ULK4: variants seen among roughly 807,000 people sequenced by gnomAD.
ULK4 encodes unc-51 like kinase 4, also known as inactive serine/threonine-protein kinase ULK4.
A neutral mutation model predicts 160.6 loss-of-function variants in ULK4; 133 were observed. That is an observed-to-expected ratio of 0.83 (90% confidence interval 0.72 to 0.96). The LOEUF is 0.96. ULK4 is among the 40% of genes least tolerant of loss of function. The probability of loss-of-function intolerance (pLI) is 0.00; values close to 1 mark genes in which losing one functional copy is unlikely to be tolerated. For missense variants in ULK4, 1,580 were observed against 1,499.5 expected, an observed-to-expected ratio of 1.05 and a Z score of -0.89; for synonymous variants, 534 against 539.8, an observed-to-expected ratio of 0.99 and a Z score of 0.15.
chr3:41,595,223 G>A (rs1374881496), intron 31 of ULK4, among the ~76,000 whole-genome samples: 1 of 152,116 alleles, frequency 6.6e-6, no homozygotes, highest in Non-Finnish European at 1.5e-5. Context: ...TGCAAGGCGT[G>A]GTAAAGCACC....
chr3:41,949,806 G>A (rs916325966), intron 2 of ULK4, among the ~76,000 whole-genome samples: 4 of 148,808 alleles, frequency 2.7e-5, no homozygotes, highest in African/African-American at 5.0e-5. Flanking sequence ...GCATGATCGC[G>A]GCTCACTGCA....
At chr3:41,277,557 T>C (rs566544414) in intron 35 of ULK4, among the ~76,000 whole-genome samples, 1 of 149,738 alleles carries the variant, frequency 6.7e-6, no homozygotes, top group Non-Finnish European at 1.5e-5. Flanking sequence ...CATCCCTTTA[T>C]GATTGAAACT....
At chr3:41,601,674 C>T (rs545487469) in intron 31 of ULK4, among the ~76,000 whole-genome samples, 1 of 152,046 alleles carries the variant, frequency 6.6e-6, no homozygotes, top group South Asian at 2.1e-4. Flanking sequence ...CCCCCAAACC[C>T]ATAATGCTTA....
Position 41,597,700 on chromosome 3 carries a change from A to G in ULK4, c.3120+17969T>C, listed in dbSNP as rs533993560. Among the ~76,000 whole-genome samples, 6 of 152,304 alleles carry G rather than the reference A, an allele frequency of 3.9e-5. No homozygotes were observed. The East Asian group carries it at 1.2e-3, about 29-fold the overall frequency. ...CAATGAGACAGCACTGCCCACAGGT[A>G]ATCGCTTCTCTTTGATTACTGCCCC... On this transcript the variant is annotated intron_variant, in intron 31 of 36. Transcript: ENST00000301831.
At chr3:41,740,155 A>G (rs1172261321) in intron 22 of ULK4, among the ~76,000 whole-genome samples, 1 of 151,860 alleles carries the variant, frequency 6.6e-6, no homozygotes, top group Admixed American at 6.6e-5. Context: ...TAATTCTTCA[A>G]TCCATCTGGA....
At chr3:41,660,925 G>C (rs2125757325) in intron 30 of ULK4, among the ~76,000 whole-genome samples, 1 of 152,088 alleles carries the variant, frequency 6.6e-6, no homozygotes, top group Non-Finnish European at 1.5e-5. Context: ...TATTCAAACT[G>C]TATCTTGCCT....
intron 35 of ULK4, among the ~76,000 whole-genome samples, chr3:41,302,768 T>C (rs779177023): frequency 6.6e-6 from 1 of 152,166 alleles, no homozygotes; most frequent in South Asian, 2.1e-4. Context: ...AAATCCACAA[T>C]GAATGTCTGT....
chr3:41,649,093 A>G (rs1463009772), intron 30 of ULK4, among the ~76,000 whole-genome samples: 1 of 151,438 alleles, frequency 6.6e-6, no homozygotes, highest in Non-Finnish European at 1.5e-5. Flanking sequence ...ACGCCACTGC[A>G]CTCCAGCCTG....
At chr3:41,312,869 C>T (rs1164128306) in intron 35 of ULK4, among the ~76,000 whole-genome samples, 1 of 152,038 alleles carries the variant, frequency 6.6e-6, no homozygotes, top group Non-Finnish European at 1.5e-5. Flanking sequence ...GTGTAAGTGG[C>T]CCCAGGAGGG....
intron 29 of ULK4, among the ~76,000 whole-genome samples, chr3:41,671,961 C>A (rs1028357775): frequency 6.6e-6 from 1 of 151,926 alleles, no homozygotes; most frequent in Non-Finnish European, 1.5e-5. Context: ...AAATGGCCAA[C>A]GGGTACATGA....
At chr3:41,659,319 T>C (rs1048755368) in intron 30 of ULK4, among the ~76,000 whole-genome samples, 2 of 152,160 alleles carry the variant, frequency 1.3e-5, no homozygotes, top group Admixed American at 1.3e-4. Flanking sequence ...ACCCAGACTT[T>C]GTTAAAAGTA....
At chr3:41,753,357 TCAATCTCAG>T (rs1301628161) in intron 22 of ULK4, among the ~76,000 whole-genome samples, 1 of 152,102 alleles carries the variant, frequency 6.6e-6, no homozygotes, top group African/African-American at 2.4e-5. Context: ...CTAATCTAGA[TCAATCTCAG>T]CAATACCAGG....
intron 35 of ULK4, among the ~76,000 whole-genome samples, chr3:41,352,943 C>A (rs766860114): frequency 1.2e-4 from 18 of 152,192 alleles, no homozygotes; most frequent in Admixed American, 7.9e-4. Flanking sequence ...CCATCTTCCA[C>A]CCAATTGGGT....
chr3:41,335,128 CTTTA>C (rs1190688553), intron 35 of ULK4, among the ~76,000 whole-genome samples: 4 of 152,224 alleles, frequency 2.6e-5, no homozygotes, highest in Non-Finnish European at 4.4e-5. Context: ...ACAATTTCTT[CTTTA>C]TAATAGTGTT....
intron 34 of ULK4, among the ~76,000 whole-genome samples, chr3:41,437,013 G>C (rs1196396202): frequency 6.6e-6 from 1 of 152,154 alleles, no homozygotes; most frequent in African/African-American, 2.4e-5. Context: ...AAAGTTTTAT[G>C]CTCTGCTAAG....
chr3:41,464,886 GTTC>G (rs145647454), intron 32 of ULK4, among the ~76,000 whole-genome samples: 55 of 152,284 alleles, frequency 3.6e-4, no homozygotes, highest in Non-Finnish European at 6.9e-4. Context: ...GGGCATCAAT[GTTC>G]TTCTTGAACT....
At chr3:41,829,829 A>G (rs973307478) in intron 18 of ULK4, among the ~76,000 whole-genome samples, 3 of 146,826 alleles carry the variant, frequency 2.0e-5, no homozygotes, top group African/African-American at 2.6e-5. Context: ...TCATGCTGCT[A>G]TAAAGACACA....
At chr3:41,706,079 C>T (rs1168062267) in intron 25 of ULK4, among the ~76,000 whole-genome samples, 1 of 151,950 alleles carries the variant, frequency 6.6e-6, no homozygotes, top group African/African-American at 2.4e-5. Context: ...CTTATTCCAA[C>T]CCCCTTATCT....
At chr3:41,519,472 T>A (rs1249173541) in intron 32 of ULK4, among the ~76,000 whole-genome samples, 4 of 152,228 alleles carry the variant, frequency 2.6e-5, no homozygotes, top group African/African-American at 9.7e-5. Flanking sequence ...CCACTAATAA[T>A]TAAACTCAAC....
Sources: allele counts gnomAD v4.1 joint callset (sites outside exome capture counted in the v4.1 genomes callset), GRCh38; gene constraint gnomAD v4.1.1; transcripts MANE v1.5; gene names NCBI Gene and HGNC (gene_info 2026-07-23, HGNC 2026-07-21).